Variants in FRMD6 observed in about 807,000 individuals in gnomAD.
The protein encoded by FRMD6 is FERM domain containing 6.
A neutral mutation model predicts 73.2 loss-of-function variants in FRMD6; 37 were observed. The ratio of observed to expected loss-of-function variants is 0.51; its 90% CI spans 0.39 to 0.66. FRMD6 has a LOEUF of 0.66. Among genes scored for constraint, FRMD6 ranks in the 30% least tolerant of loss-of-function variants. The pLI, the probability that FRMD6 is intolerant of heterozygous loss-of-function variation, is 0.00. For missense variants in FRMD6, 714 were observed against 780.5 expected (o/e 0.91, Z 1.02); for synonymous variants, 273 against 282.2 (o/e 0.97, Z 0.33).
chr14:51,726,234 C>T (rs1382769128), intron 13 of FRMD6, among the ~76,000 whole-genome samples: 2 of 152,170 alleles, frequency 1.3e-5, no homozygotes, highest in Non-Finnish European at 2.9e-5. Flanking sequence ...GAAATGTTTC[C>T]ACACTCTGGT....
chr14:51,481,684 A>G, the FRMD6 span, among the ~76,000 whole-genome samples: 11 of 152,240 alleles, frequency 7.2e-5, no homozygotes, highest in Middle Eastern at 3.2e-3. Flanking sequence ...CTTACACTGC[A>G]AGCAACTTAT....
chr14:51,607,652 GC>G (rs1890317644), intron 2 of FRMD6, among the ~76,000 whole-genome samples: 1 of 152,208 alleles, frequency 6.6e-6, no homozygotes, highest in Admixed American at 6.5e-5. Context: ...CAGTCTGCAC[GC>G]TTTGTTGGGC....
At chr14:51,655,863 TA>T (rs1892784007) in intron 1 of FRMD6, among the ~76,000 whole-genome samples, 1 of 152,186 alleles carries the variant, frequency 6.6e-6, no homozygotes, top group Non-Finnish European at 1.5e-5. Flanking sequence ...AGTTTGGTGT[TA>T]AATAATGTGC....
At chr14:51,445,457 C>G in the FRMD6 span, among the ~76,000 whole-genome samples, 1 of 143,254 alleles carries the variant, frequency 7.0e-6, no homozygotes, top group Non-Finnish European at 1.5e-5. Context: ...AAGAAAAACC[C>G]CTGAAACAGA....
At chr14:51,591,988 G>A (rs7152822) in intron 2 of FRMD6, among the ~76,000 whole-genome samples, 52,467 of 152,052 alleles carry the variant, frequency 0.35, 10,099 homozygotes, top group South Asian at 0.43. Flanking sequence ...CATTTTTGCA[G>A]TCTCACACTA....
At chr14:51,652,488 A>T (rs1892491474) in intron 1 of FRMD6, among the ~76,000 whole-genome samples, 1 of 152,120 alleles carries the variant, frequency 6.6e-6, no homozygotes, top group African/African-American at 2.4e-5. Context: ...CGGGACTAGC[A>T]CCCGAGTCCC....
At chr14:51,654,277 A>C (rs1464971531) in intron 1 of FRMD6, among the ~76,000 whole-genome samples, 1 of 133,626 alleles carries the variant, frequency 7.5e-6, no homozygotes, top group African/African-American at 2.8e-5. Flanking sequence ...TCTTAAAAAA[A>C]ATTGTTACTG....
At chr14:51,705,517 C>A (rs1397745652) in intron 6 of FRMD6, among the ~76,000 whole-genome samples, 1 of 152,066 alleles carries the variant, frequency 6.6e-6, no homozygotes, top group Admixed American at 6.6e-5. Context: ...ATATCATTAG[C>A]CCCTCCCCAA....
the FRMD6 span, chr14:51,397,040 CT>C: frequency 6.6e-6 from 1 of 152,290 alleles, no homozygotes; most frequent in Non-Finnish European, 1.5e-5. Flanking sequence ...GGTTGGGGTC[CT>C]GGAGACCTGG....
rs544957345 is a variant in FRMD6, at chr14:51,653,770, A to G, written c.-147+1774A>G. 7.9e-5 allele frequency among the ~76,000 whole-genome samples: 12 copies of G among 152,306 alleles called. No individual in the cohort carries two copies. The East Asian group carries it at 2.1e-3, about 27-fold the overall frequency. On this transcript the variant is annotated intron_variant, in intron 1 of 13. Transcript: ENST00000344768. ...AACGTTTTATGTTAAAAATGAAAAT[A>G]CTTCACAATATGAGACAGCTGGCAT... is the stretch of plus-strand genomic sequence containing the variant.
intron 1 of FRMD6, among the ~76,000 whole-genome samples, chr14:51,566,630 A>G (rs1362504511): frequency 6.6e-6 from 1 of 152,192 alleles, no homozygotes; most frequent in Non-Finnish European, 1.5e-5. Context: ...CAGGCAATCC[A>G]CCATCCTCGA....
At chr14:51,587,145 A>G (rs1431154678) in intron 2 of FRMD6, among the ~76,000 whole-genome samples, 2 of 152,208 alleles carry the variant, frequency 1.3e-5, no homozygotes, top group Non-Finnish European at 2.9e-5. Context: ...CATTTGTTGA[A>G]TAGGGTGTCA....
chr14:51,409,034 C>A, the FRMD6 span, among the ~76,000 whole-genome samples: 1 of 152,146 alleles, frequency 6.6e-6, no homozygotes, highest in Non-Finnish European at 1.5e-5. Context: ...TCGACAGGGA[C>A]TTTTTCTCCT....
the FRMD6 span, among the ~76,000 whole-genome samples, chr14:51,458,598 AT>A: frequency 6.6e-6 from 1 of 152,218 alleles, no homozygotes; most frequent in Non-Finnish European, 1.5e-5. Context: ...TGGCTGTTTG[AT>A]TATTTATAAC....
At chr14:51,490,720 G>C (rs1160680085) in intron 1 of FRMD6, among the ~76,000 whole-genome samples, 1 of 152,062 alleles carries the variant, frequency 6.6e-6, no homozygotes, top group Admixed American at 6.6e-5. Flanking sequence ...GAGTTTTAGT[G>C]CAGTTACCGT....
At chr14:51,414,780 T>C in the FRMD6 span, among the ~76,000 whole-genome samples, 91 of 152,310 alleles carry the variant, frequency 6.0e-4, 1 homozygote, top group South Asian at 0.016. Context: ...ATTCTTCCTA[T>C]CCATGAGCAT....
At chr14:51,695,751 G>A (rs1475210390) in intron 2 of FRMD6, among the ~76,000 whole-genome samples, 2 of 152,200 alleles carry the variant, frequency 1.3e-5, no homozygotes, top group South Asian at 2.1e-4. Flanking sequence ...AGCTCACTTG[G>A]TGCTACTTTG....
intron 4 of FRMD6, 23 bp from the exon 5 acceptor site, chr14:51,702,489 T>G (rs1896382641): frequency 6.2e-7 from 1 of 1,602,040 alleles, no homozygotes. Context: ...TAGCTTGATT[T>G]TTGTGTGTGC....
intron 2 of FRMD6, among the ~76,000 whole-genome samples, chr14:51,628,150 G>T (rs745822367): frequency 1.1e-4 from 17 of 152,070 alleles, no homozygotes; most frequent in Admixed American, 1.3e-4. Context: ...CAGAATCCAT[G>T]CATATGGAGA....
Sources: allele counts gnomAD v4.1 joint callset (sites outside exome capture counted in the v4.1 genomes callset), GRCh38; gene constraint gnomAD v4.1.1; transcripts MANE v1.5; gene names NCBI Gene and HGNC (gene_info 2026-07-23, HGNC 2026-07-21).